Variants in INTS9 observed in about 807,000 individuals in gnomAD.
INTS9 encodes the protein integrator complex subunit 9, also known as protein related to CPSF subunits of 74 kDa.
A neutral mutation model predicts 79.7 loss-of-function variants in INTS9; 55 were observed. That is an observed-to-expected ratio of 0.69 (90% confidence interval 0.56 to 0.86). The LOEUF is 0.86. INTS9 is among the 40% of genes least tolerant of loss of function. INTS9 has a pLI of 0.00. For synonymous variants in INTS9, 319 were observed against 325.2 expected, an observed-to-expected ratio of 0.98 and a Z score of 0.20; for missense variants, 721 against 831.5, an observed-to-expected ratio of 0.87 and a Z score of 1.64.
chr8:28,781,675 A>G (rs916038103), intron 11 of INTS9, among the ~76,000 whole-genome samples: 1 of 152,330 alleles, frequency 6.6e-6, no homozygotes, highest in East Asian at 1.9e-4. Context: ...GAAGGGCGCC[A>G]CTCTGAAAAG....
At chr8:28,774,003 T>C (rs926306532) in intron 14 of INTS9, among the ~76,000 whole-genome samples, 1 of 152,052 alleles carries the variant, frequency 6.6e-6, no homozygotes, top group Non-Finnish European at 1.5e-5. Context: ...TTAGTGGAGA[T>C]GGGGTTTCAC....
intron 1 of INTS9, among the ~76,000 whole-genome samples, chr8:28,883,508 T>A (rs1350587848): frequency 6.6e-6 from 1 of 152,234 alleles, no homozygotes; most frequent in East Asian, 1.9e-4. Flanking sequence ...CATTCTCATA[T>A]ACTACCTGTA....
chr8:28,770,912 A>G (rs1802492209), intron 15 of INTS9, 70 bp downstream of exon 15: 1 of 1,057,210 alleles, frequency 9.5e-7, no homozygotes, highest in Non-Finnish European at 1.4e-6. Flanking sequence ...TATTTCAAAT[A>G]TAATCTGTTA....
intron 1 of INTS9, among the ~76,000 whole-genome samples, chr8:28,887,390 A>G (rs948315619): frequency 6.6e-6 from 1 of 152,210 alleles, no homozygotes; most frequent in African/African-American, 2.4e-5. Flanking sequence ...TTCCGATTAC[A>G]AAGACAGTAT....
At chr8:28,878,742 C>T (rs1358558086) in intron 1 of INTS9, among the ~76,000 whole-genome samples, 1 of 151,710 alleles carries the variant, frequency 6.6e-6, no homozygotes, top group East Asian at 2.0e-4. Context: ...CTTTGGGAGG[C>T]CCCAAGGCGG....
chr8:28,837,723 G>C lies in INTS9; in HGVS notation c.315C>G (p.His105Gln). Reference sequence around the variant, plus strand: ...TGATGTATGGCAGCGCCATCATACAGTGATAGTTAGAGATGAGAATCACAT... The same window carrying C: ...TGATGTATGGCAGCGCCATCATACACTGATAGTTAGAGATGAGAATCACAT... ...TVDVILISNY[H>Q]CMMALPYITE... The change falls in exon 5 of 17, where the codon CAC becomes CAG. Residue 105 changes from histidine to glutamine, a missense_variant. His to Gln is a conservative substitution (Grantham distance 24, BLOSUM62 0). Coordinates refer to ENST00000521022, the MANE Select transcript of INTS9 (RefSeq NM_018250.4). 1 of 1,614,022 alleles carries C rather than the reference G, an allele frequency of 6.2e-7. No individual in the cohort carries two copies. The highest frequency in any genetic ancestry group is 8.5e-7 in the Non-Finnish European group (1 of 1,179,930).
At chr8:28,838,687 AT>A (rs1806972489) in intron 4 of INTS9, among the ~76,000 whole-genome samples, 1 of 151,982 alleles carries the variant, frequency 6.6e-6, no homozygotes, top group Admixed American at 6.6e-5. Flanking sequence ...TGCCTGGCTA[AT>A]TTTTGTATTT....
chr8:28,846,378 G>T (rs1238155241), intron 4 of INTS9, among the ~76,000 whole-genome samples: 6 of 152,196 alleles, frequency 3.9e-5, no homozygotes, highest in Non-Finnish European at 7.3e-5. Context: ...ACTAGCAATT[G>T]TCAATTACCC....
At chr8:28,831,780 C>A (rs1396114272) in intron 6 of INTS9, among the ~76,000 whole-genome samples, 1 of 152,106 alleles carries the variant, frequency 6.6e-6, no homozygotes, top group African/African-American at 2.4e-5. Context: ...CTCACTGCAA[C>A]CTCTGCCTCC....
At chr8:28,816,082 A>G (rs1236998450) in intron 6 of INTS9, among the ~76,000 whole-genome samples, 1 of 152,108 alleles carries the variant, frequency 6.6e-6, no homozygotes, top group Non-Finnish European at 1.5e-5. Context: ...TAAGATACTC[A>G]AAGAAAGAAA....
chr8:28,836,212 C>T (rs750638127), intron 5 of INTS9, among the ~76,000 whole-genome samples: 1 of 152,184 alleles, frequency 6.6e-6, no homozygotes, highest in Non-Finnish European at 1.5e-5. Flanking sequence ...ATGGAGTACG[C>T]TGCTAAATGC....
intron 11 of INTS9, among the ~76,000 whole-genome samples, chr8:28,785,272 G>A (rs536272447): frequency 3.5e-4 from 54 of 152,298 alleles, no homozygotes; most frequent in African/African-American, 1.3e-3. Flanking sequence ...TACTTTTTGG[G>A]ACTATAAATG....
intron 12 of INTS9, chr8:28,780,521 T>G: frequency 1.0e-6 from 1 of 985,406 alleles, no homozygotes; most frequent in Non-Finnish European, 1.2e-6. Context: ...ACAACACCGT[T>G]ACTGAATCAC....
chr8:28,811,308 G>T (rs552926792), intron 8 of INTS9, among the ~76,000 whole-genome samples: 1 of 152,138 alleles, frequency 6.6e-6, no homozygotes, highest in Admixed American at 6.5e-5. Flanking sequence ...ATTTTTAGTA[G>T]AGATGGGGTT....
At chr8:28,788,666 G>A (rs1329125952) in intron 10 of INTS9, among the ~76,000 whole-genome samples, 5 of 152,156 alleles carry the variant, frequency 3.3e-5, no homozygotes, top group Admixed American at 1.3e-4. Context: ...TGATCCACCC[G>A]CCTCGGCCTC....
chr8:28,823,975 G>A (rs184984797), intron 6 of INTS9, among the ~76,000 whole-genome samples: 1 of 152,116 alleles, frequency 6.6e-6, no homozygotes, highest in Admixed American at 6.5e-5. Flanking sequence ...TACATAAACA[G>A]ATACATGAAG....
intron 7 of INTS9, among the ~76,000 whole-genome samples, chr8:28,812,788 C>T (rs1805228037): frequency 6.6e-6 from 1 of 152,174 alleles, no homozygotes; most frequent in African/African-American, 2.4e-5. Flanking sequence ...GAAGTTGAGG[C>T]TGCAGTGAGC....
rs192484736 is a variant in INTS9, at chr8:28,788,018, C to T, written c.1038-129G>A. On this transcript the variant is annotated intron_variant, in intron 10 of 16. Transcript: ENST00000521022. ...AAAAATTTCCCGCCAGTGAATTTCA[C>T]TGTGAATGAAATCCAGTGCCTACAG... The T allele has an allele frequency of 1.9e-3, 962 of 512,170 alleles. 4 individuals are homozygous for T. Among genetic ancestry groups the T allele is most frequent in the Non-Finnish European group, 2.8e-3 (789 of 283,138 alleles). The allele number at this position is 512,170 out of a possible 1,614,324, so 31.7% of individuals were successfully genotyped here. A position where few individuals can be genotyped will look rare whatever the true frequency, so the allele number is the denominator to read the frequency against.
At chr8:28,856,124 T>A (rs139878629) in intron 2 of INTS9, among the ~76,000 whole-genome samples, 2 of 152,326 alleles carry the variant, frequency 1.3e-5, no homozygotes, top group Admixed American at 1.3e-4. Context: ...GTGAGGAGGC[T>A]TTAGTAATGA....
Sources: gnomAD v4.1 joint callset for allele counts (sites outside exome capture counted in the v4.1 genomes callset) on GRCh38, gnomAD v4.1.1 for gene constraint, MANE v1.5 for transcripts, NCBI Gene and HGNC (gene_info 2026-07-23, HGNC 2026-07-21) for gene names.